P2RY14: variants seen among roughly 807,000 people sequenced by gnomAD.
P2RY14 encodes purinergic receptor P2Y14, also known as P2Y purinoceptor 14.
A neutral mutation model predicts 0.9 loss-of-function variants in P2RY14; 2 were observed. The observed-to-expected ratio is 2.16, with a 90% CI of 0.88 to 6.79. The LOEUF (loss-of-function observed/expected upper bound fraction) is 6.79, where lower values mean the gene tolerates loss of function less well. P2RY14 is among the 30% of genes most tolerant of loss of function. The pLI, the probability that P2RY14 is intolerant of heterozygous loss-of-function variation, is 0.05. For missense variants in P2RY14, 378 were observed against 400.1 expected (o/e 0.94, Z 0.47); for synonymous variants, 158 against 147.2 (o/e 1.07, Z -0.53).
chr3:151,238,137 T>TTTTTC (rs1553753434), intron 1 of P2RY14, among the ~76,000 whole-genome samples: 6 of 149,500 alleles, frequency 4.0e-5, no homozygotes, highest in Non-Finnish European at 7.4e-5. Flanking sequence ...ACATTTTTTC[T>TTTTTC]TTTTTCTTTT....
chr3:151,230,506 T>C (rs563578651), intron 1 of P2RY14, among the ~76,000 whole-genome samples: 1 of 152,118 alleles, frequency 6.6e-6, no homozygotes, highest in Non-Finnish European at 1.5e-5. Flanking sequence ...TACACTACAC[T>C]TTGATGCTCA....
intron 1 of P2RY14, among the ~76,000 whole-genome samples, chr3:151,273,596 T>C (rs1350354766): frequency 6.6e-6 from 1 of 152,122 alleles, no homozygotes; most frequent in Non-Finnish European, 1.5e-5. Flanking sequence ...ATAACTCATT[T>C]AATCCCCATA....
At chr3:151,275,242 C>A (rs974437097) in intron 1 of P2RY14, among the ~76,000 whole-genome samples, 1 of 152,128 alleles carries the variant, frequency 6.6e-6, no homozygotes, top group Admixed American at 6.5e-5. Flanking sequence ...CACAAGTGTA[C>A]AGATCGCTTT....
At chr3:151,258,979 T>C (rs966573713) in intron 1 of P2RY14, among the ~76,000 whole-genome samples, 2 of 152,048 alleles carry the variant, frequency 1.3e-5, no homozygotes, top group African/African-American at 2.4e-5. Flanking sequence ...ACCTGTGAAA[T>C]GGTGCTGATA....
intron 1 of P2RY14, chr3:151,269,540 T>C: frequency 3.3e-6 from 1 of 301,350 alleles, no homozygotes; most frequent in South Asian, 3.1e-5. Context: ...AGGTCAAAAT[T>C]GATTGCCCAA....
chr3:151,269,534 CAAA>C, intron 1 of P2RY14: 2 of 295,928 alleles, frequency 6.8e-6, no homozygotes, highest in Non-Finnish European at 1.3e-5. Context: ...TGGAAGAGGT[CAAA>C]ATTGATTGCC....
At chr3:151,218,596 C>T (rs535133942) in intron 2 of P2RY14, among the ~76,000 whole-genome samples, 3 of 151,952 alleles carry the variant, frequency 2.0e-5, no homozygotes, top group Non-Finnish European at 2.9e-5. Flanking sequence ...TGGCCGGGCA[C>T]GGTGGCTCAA....
Position 151,247,262 on chromosome 3 carries a change from G to A in P2RY14, c.-132-27620C>T, listed in dbSNP as rs1275254947. ...ATTTGACCCAGCCATCCCATTACTG[G>A]GTATATACCCAAAGGATTATAAATC... On this transcript the variant is annotated intron_variant, in intron 1 of 2. Coordinates refer to ENST00000309170, the MANE Select transcript of P2RY14 (RefSeq NM_014879.4). 2.6e-5 allele frequency among the ~76,000 whole-genome samples: 4 copies of A among 151,846 alleles called. No homozygotes were observed. The South Asian group carries it at 8.3e-4, about 32-fold the overall frequency.
intron 1 of P2RY14, among the ~76,000 whole-genome samples, chr3:151,221,571 C>G (rs1297916402): frequency 6.6e-6 from 1 of 152,082 alleles, no homozygotes; most frequent in Admixed American, 6.5e-5. Flanking sequence ...TGAAAGGGGC[C>G]CTTGTAGAGC....
At chr3:151,243,966 A>C (rs369004563) in intron 1 of P2RY14, among the ~76,000 whole-genome samples, 19 of 145,968 alleles carry the variant, frequency 1.3e-4, no homozygotes, top group East Asian at 6.1e-4. Flanking sequence ...GGGTTGCAAT[A>C]CTAGTCTCTG....
intron 1 of P2RY14, among the ~76,000 whole-genome samples, chr3:151,230,482 T>C (rs2149321386): frequency 6.6e-6 from 1 of 152,316 alleles, no homozygotes; most frequent in East Asian, 1.9e-4. Context: ...AAACACTCCT[T>C]TCTCGTTATA....
chr3:151,220,545 G>T (rs1729139592), intron 1 of P2RY14, among the ~76,000 whole-genome samples: 2 of 152,206 alleles, frequency 1.3e-5, no homozygotes, highest in Admixed American at 1.3e-4. Flanking sequence ...AAGGGAGCCA[G>T]TGGGAGATGA....
intron 1 of P2RY14, among the ~76,000 whole-genome samples, chr3:151,270,711 CA>C: frequency 6.6e-6 from 1 of 152,252 alleles, no homozygotes; most frequent in African/African-American, 2.4e-5. Flanking sequence ...TGTATTTTGA[CA>C]ACATGGCTTC....
At chr3:151,277,363 T>C (rs556430714) in intron 1 of P2RY14, among the ~76,000 whole-genome samples, 1 of 152,356 alleles carries the variant, frequency 6.6e-6, no homozygotes, top group African/African-American at 2.4e-5. Flanking sequence ...TCATAAAATA[T>C]GCCATTTTGG....
Position 151,241,335 on chromosome 3 carries a change from A to G in P2RY14, c.-132-21693T>C, listed in dbSNP as rs146146922. 2.0e-5 allele frequency among the ~76,000 whole-genome samples: 3 copies of G among 152,354 alleles called. No individual in the cohort carries two copies. In the East Asian group the frequency reaches 5.8e-4, roughly 29 times the overall value. On this transcript the variant is annotated intron_variant, in intron 1 of 2. Transcript: ENST00000309170. The stretch of plus-strand genomic sequence containing the variant: ...TGTATTTGTATCAATATCAAAGAGT[A>G]TGGCAAAAGGCAAGTAAGCCTAGAT...
intron 1 of P2RY14, among the ~76,000 whole-genome samples, chr3:151,265,804 A>G (rs557186055): frequency 1.3e-4 from 20 of 152,274 alleles, no homozygotes; most frequent in Admixed American, 1.3e-3. Flanking sequence ...TTTGTATAAA[A>G]AAATTTCTCC....
At position 151,213,681 on chromosome 3, in the gene P2RY14, TTTCTTTGTGATAGCAG is replaced by T; in HGVS notation, c.620_635del (p.Thr207LysfsTer65). On this transcript the variant is annotated frameshift_variant, in exon 3 of 3. Coordinates refer to ENST00000309170, the MANE Select transcript of P2RY14 (RefSeq NM_014879.4). LOFTEE classifies it low-confidence loss of function (END_TRUNC). The stretch of plus-strand genomic sequence containing the variant: ...TTGACTTAAGGTGGGACTTAAAGAT[TTTCTTTGTGATAGCAG>T]TATAGAAAACGATTAACAAAAGAAA... The T allele has an allele frequency of 6.2e-7, 1 of 1,614,172 alleles. No individual in the cohort carries two copies. The highest frequency in any genetic ancestry group is 8.5e-7 in the Non-Finnish European group (1 of 1,180,026).
chr3:151,230,218 C>T (rs1030985956), intron 1 of P2RY14, among the ~76,000 whole-genome samples: 9 of 152,208 alleles, frequency 5.9e-5, no homozygotes, highest in African/African-American at 2.2e-4. Flanking sequence ...TTGTGATCCG[C>T]AAGTCTCGGC....
chr3:151,248,137 A>C (rs150738688), intron 1 of P2RY14, among the ~76,000 whole-genome samples: 10 of 152,138 alleles, frequency 6.6e-5, no homozygotes, highest in African/African-American at 2.4e-4. Context: ...AAAACAAAAA[A>C]TGCTATGAAT....
Sources: allele counts gnomAD v4.1 joint callset (sites outside exome capture counted in the v4.1 genomes callset), GRCh38; gene constraint gnomAD v4.1.1; transcripts MANE v1.5; gene names NCBI Gene and HGNC (gene_info 2026-07-23, HGNC 2026-07-21).